Variants in CELF4 observed in about 807,000 individuals in gnomAD.
CELF4 encodes the protein CUG-BP- and ETR-3-like factor 4.
CELF4 carries 18 observed loss-of-function variants against 59.9 expected under a neutral mutation model. That is an observed-to-expected ratio of 0.30 (90% CI 0.21 to 0.45). CELF4 has a LOEUF of 0.45. CELF4 is among the 20% of genes least tolerant of loss of function. The pLI, the probability that CELF4 is intolerant of heterozygous loss-of-function variation, is 1.00. For missense variants in CELF4, 456 were observed against 689.0 expected (o/e 0.66, Z 3.79); for synonymous variants, 261 against 267.1 (o/e 0.98, Z 0.22).
chr18:37,312,493 G>T (rs1252821644), intron 3 of CELF4, among the ~76,000 whole-genome samples: 1 of 152,134 alleles, frequency 6.6e-6, no homozygotes, highest in African/African-American at 2.4e-5. Flanking sequence ...ATAAACCTGG[G>T]ATTCAAGTAT....
At chr18:37,368,949 A>G (rs2098823429) in intron 2 of CELF4, among the ~76,000 whole-genome samples, 1 of 152,216 alleles carries the variant, frequency 6.6e-6, no homozygotes, top group Non-Finnish European at 1.5e-5. Flanking sequence ...AAGCCTGCAC[A>G]CATGACCACA....
rs191332125 is a variant in CELF4 at position 37,261,269 on chromosome 18, C to A, written c.1250-2005G>T. On this transcript the variant is annotated intron_variant, in intron 10 of 12. Transcript: ENST00000420428. ...CCCACACCTCCCTTCCTCCTCCCATCCTCACTCTTCCAGGCCCTGACTGCT... is the reference window on the plus strand; with the variant it reads ...CCCACACCTCCCTTCCTCCTCCCATACTCACTCTTCCAGGCCCTGACTGCT... Among the ~76,000 whole-genome samples, 11 of 145,826 alleles carry A rather than the reference C, an allele frequency of 7.5e-5. No homozygotes were observed. In the East Asian group the frequency reaches 2.5e-3, roughly 33 times the overall value.
At chr18:37,425,352 C>T (rs772714876) in intron 2 of CELF4, among the ~76,000 whole-genome samples, 3 of 152,344 alleles carry the variant, frequency 2.0e-5, no homozygotes, top group East Asian at 3.9e-4. Flanking sequence ...AAGGCCCCTC[C>T]GGGGCTCTAA....
At chr18:37,430,111 C>A (rs1232955089) in intron 2 of CELF4, among the ~76,000 whole-genome samples, 1 of 152,194 alleles carries the variant, frequency 6.6e-6, no homozygotes, top group Non-Finnish European at 1.5e-5. Context: ...GGGAGGTAGA[C>A]CTTGGCTCTG....
At chr18:37,327,970 C>T (rs905808364) in intron 2 of CELF4, among the ~76,000 whole-genome samples, 2 of 152,242 alleles carry the variant, frequency 1.3e-5, no homozygotes, top group African/African-American at 4.8e-5. Flanking sequence ...GATTGTCACA[C>T]ATGAACCTGC....
At chr18:37,430,100 G>A (rs1284802592) in intron 2 of CELF4, among the ~76,000 whole-genome samples, 1 of 152,144 alleles carries the variant, frequency 6.6e-6, no homozygotes, top group East Asian at 1.9e-4. Flanking sequence ...ACCCCTCTTG[G>A]GGGAGGTAGA....
chr18:37,495,529 C>T (rs2099924195), intron 1 of CELF4, among the ~76,000 whole-genome samples: 1 of 152,112 alleles, frequency 6.6e-6, no homozygotes, highest in Non-Finnish European at 1.5e-5. Flanking sequence ...CACACCATGC[C>T]CCATCTGAGG....
At chr18:37,539,642 G>A (rs1277935958) in intron 1 of CELF4, among the ~76,000 whole-genome samples, 1 of 152,188 alleles carries the variant, frequency 6.6e-6, no homozygotes, top group African/African-American at 2.4e-5. Flanking sequence ...CACACGCAAT[G>A]CTCTCCGCAC....
chr18:37,513,324 C>T (rs972699305), intron 1 of CELF4, among the ~76,000 whole-genome samples: 1 of 152,198 alleles, frequency 6.6e-6, no homozygotes, highest in African/African-American at 2.4e-5. Context: ...CTCTTTCAAT[C>T]CATATCTGTC....
chr18:37,460,999 A>C (rs1419490807), intron 2 of CELF4, among the ~76,000 whole-genome samples: 1 of 152,264 alleles, frequency 6.6e-6, no homozygotes, highest in African/African-American at 2.4e-5. Flanking sequence ...AATACATCAC[A>C]TGCTAGTGTG....
intron 1 of CELF4, among the ~76,000 whole-genome samples, chr18:37,501,852 G>T (rs1167335283): frequency 6.6e-6 from 1 of 152,196 alleles, no homozygotes; most frequent in African/African-American, 2.4e-5. Context: ...GACCAGCACG[G>T]GCTGCCTCCC....
intron 2 of CELF4, among the ~76,000 whole-genome samples, chr18:37,457,720 C>G (rs2099782223): frequency 6.6e-6 from 1 of 152,180 alleles, no homozygotes; most frequent in Non-Finnish European, 1.5e-5. Context: ...TGCCCACTGG[C>G]CTGTTCCATC....
intron 1 of CELF4, among the ~76,000 whole-genome samples, chr18:37,510,790 G>A (rs1040020032): frequency 2.0e-5 from 3 of 152,102 alleles, no homozygotes; most frequent in Non-Finnish European, 4.4e-5. Context: ...CCACTTAGCC[G>A]TGCACATGCT....
At chr18:37,565,250 A>T in intron 1 of CELF4, 106 bp downstream of exon 1, 1 of 1,315,698 alleles carries the variant, frequency 7.6e-7, no homozygotes, top group Non-Finnish European at 1.0e-6. Context: ...CGCCCGCCCG[A>T]GGCTTCCTCT....
chr18:37,431,845 G>C (rs1182741125), intron 2 of CELF4, among the ~76,000 whole-genome samples: 1 of 152,198 alleles, frequency 6.6e-6, no homozygotes, highest in Non-Finnish European at 1.5e-5. Context: ...GCAGGTACCA[G>C]CATGCCCAAT....
intron 2 of CELF4, among the ~76,000 whole-genome samples, chr18:37,360,603 T>C (rs1459148772): frequency 1.3e-5 from 2 of 152,222 alleles, no homozygotes; most frequent in Non-Finnish European, 2.9e-5. Flanking sequence ...TGTCCGAAGC[T>C]ATGCACTGGT....
At chr18:37,472,139 AC>A (rs1427177381) in intron 2 of CELF4, among the ~76,000 whole-genome samples, 1 of 152,218 alleles carries the variant, frequency 6.6e-6, no homozygotes, top group East Asian at 1.9e-4. Context: ...GATTGTGCAA[AC>A]CATGAAGACA....
At chr18:37,416,097 C>G (rs969196453) in intron 2 of CELF4, among the ~76,000 whole-genome samples, 1 of 152,022 alleles carries the variant, frequency 6.6e-6, no homozygotes, top group African/African-American at 2.4e-5. Context: ...TCTCGTGCCA[C>G]TTAGAGCCCT....
In CELF4 at chr18:37,243,591, GT is replaced by G; in HGVS notation, c.*1650del. 6.6e-6 allele frequency: 1 copy of G among 151,828 alleles called. No individual in the cohort carries two copies. The highest frequency in any genetic ancestry group is 1.5e-5 in the Non-Finnish European group (1 of 67,950). 9.4% of individuals were successfully genotyped at this position (151,828 alleles called of 1,614,324 possible). ...GTGCTTTCATTAAATAGTTTTCCTTGTTTTTTTCTCTATCATTACAATTAAA... is the reference window on the plus strand; with the variant it reads ...GTGCTTTCATTAAATAGTTTTCCTTGTTTTTTCTCTATCATTACAATTAAA... On this transcript the variant is annotated 3_prime_UTR_variant, in exon 13 of 13. Transcript: ENST00000420428.
Sources: gnomAD v4.1 joint callset for allele counts (sites outside exome capture counted in the v4.1 genomes callset) on GRCh38, gnomAD v4.1.1 for gene constraint, MANE v1.5 for transcripts, NCBI Gene and HGNC (gene_info 2026-07-23, HGNC 2026-07-21) for gene names.